Variants in CRACD observed in about 807,000 individuals in gnomAD.
The protein encoded by CRACD is capping protein inhibiting regulator of actin dynamics.
In CRACD, 56 loss-of-function variants were observed where a neutral mutation model predicts 106.8. That is an observed-to-expected ratio of 0.52 (90% CI 0.42 to 0.66). The LOEUF is 0.66. CRACD is among the 30% of genes least tolerant of loss of function. The pLI, the probability that CRACD is intolerant of heterozygous loss-of-function variation, is 0.00. For missense variants in CRACD, 1,730 were observed against 1,623.2 expected (o/e 1.07, Z -1.13); for synonymous variants, 754 against 670.8 (o/e 1.12, Z -1.92).
At chr4:56,213,583 CA>C in intron 2 of CRACD, among the ~76,000 whole-genome samples, 1 of 152,302 alleles carries the variant, frequency 6.6e-6, no homozygotes, top group Middle Eastern at 3.4e-3. Context: ...CCAGTACAGC[CA>C]CATGTTGGAA....
At chr4:56,128,463 T>C (rs1734725298) in intron 1 of CRACD, among the ~76,000 whole-genome samples, 1 of 152,188 alleles carries the variant, frequency 6.6e-6, no homozygotes, top group South Asian at 2.1e-4. Flanking sequence ...AGTTAATTTG[T>C]GGCTGGGCAG....
intron 2 of CRACD, among the ~76,000 whole-genome samples, chr4:56,189,506 T>C (rs1327896424): frequency 6.7e-6 from 1 of 150,310 alleles, no homozygotes; most frequent in Non-Finnish European, 1.5e-5. Flanking sequence ...CATTAACTCG[T>C]CATTTAGCAT....
chr4:56,074,238 T>C (rs1440349774), intron 1 of CRACD, among the ~76,000 whole-genome samples: 1 of 152,234 alleles, frequency 6.6e-6, no homozygotes, highest in African/African-American at 2.4e-5. Flanking sequence ...CAATGGTAGC[T>C]TGATGACAAT....
chr4:56,130,092 G>A (rs1179913082), intron 1 of CRACD, among the ~76,000 whole-genome samples: 1 of 152,068 alleles, frequency 6.6e-6, no homozygotes, highest in African/African-American at 2.4e-5. Flanking sequence ...GCAACATGGC[G>A]AGACCCCGTC....
At chr4:56,183,516 C>T (rs1041668230) in intron 2 of CRACD, among the ~76,000 whole-genome samples, 2 of 152,176 alleles carry the variant, frequency 1.3e-5, no homozygotes, top group Non-Finnish European at 2.9e-5. Flanking sequence ...TGCACAGGCA[C>T]GTGGTGTAGA....
chr4:56,176,915 T>C (rs1238865100), intron 1 of CRACD, among the ~76,000 whole-genome samples: 1 of 152,264 alleles, frequency 6.6e-6, no homozygotes, highest in Non-Finnish European at 1.5e-5. Flanking sequence ...GTTAATTTTG[T>C]ATTCTGCAAC....
At chr4:56,238,414 A>G (rs779716275) in intron 2 of CRACD, among the ~76,000 whole-genome samples, 2 of 152,214 alleles carry the variant, frequency 1.3e-5, no homozygotes, top group African/African-American at 4.8e-5. Context: ...TTGTGTCCCA[A>G]TAGAGCTGCA....
intron 1 of CRACD, among the ~76,000 whole-genome samples, chr4:56,167,247 A>G (rs1359668388): frequency 2.0e-5 from 3 of 152,246 alleles, no homozygotes; most frequent in Non-Finnish European, 2.9e-5. Flanking sequence ...ATTAAAAAGC[A>G]CGTGACAGAT....
chr4:56,298,189 A>C (rs1410991490), intron 3 of CRACD, 25 bp from the exon 4 acceptor site: 1 of 1,600,810 alleles, frequency 6.2e-7, no homozygotes, highest in Admixed American at 1.7e-5. Context: ...TCCTAATAAA[A>C]TGAAGCACAT....
intron 3 of CRACD, among the ~76,000 whole-genome samples, chr4:56,281,899 T>C (rs997152448): frequency 2.6e-5 from 4 of 152,204 alleles, no homozygotes; most frequent in Admixed American, 2.0e-4. Context: ...GATTCCAAAC[T>C]TTCCTCCTCT....
chr4:56,226,842 C>T (rs1363724272), intron 2 of CRACD, among the ~76,000 whole-genome samples: 1 of 146,142 alleles, frequency 6.8e-6, no homozygotes, highest in East Asian at 3.0e-4. Flanking sequence ...ACCTCTCTCT[C>T]TCTGTGTGTG....
intron 2 of CRACD, among the ~76,000 whole-genome samples, chr4:56,237,057 T>C (rs545987331): frequency 1.4e-4 from 21 of 152,206 alleles, no homozygotes; most frequent in Admixed American, 1.2e-3. Context: ...GCTATAGAAA[T>C]AAAAGCATCA....
chr4:56,056,410 G>C (rs1307146790), intron 1 of CRACD, among the ~76,000 whole-genome samples: 1 of 152,158 alleles, frequency 6.6e-6, no homozygotes, highest in Admixed American at 6.5e-5. Context: ...ATCTAGGCCT[G>C]TGCTGCCCTA....
intron 3 of CRACD, chr4:56,288,346 A>AGCT: frequency 3.4e-6 from 1 of 295,720 alleles, no homozygotes; most frequent in Non-Finnish European, 6.7e-6. Flanking sequence ...TCACCCAGAT[A>AGCT]GTGACGAAAG....
intron 5 of CRACD, 135 bp from the exon 6 acceptor site, chr4:56,310,531 C>G (rs78882343): frequency 1.5e-6 from 1 of 655,980 alleles, no homozygotes; most frequent in South Asian, 1.8e-5. Context: ...ACTGGGACAC[C>G]TGCTGGCTCT....
chr4:56,119,072 A>G (rs539212735), intron 1 of CRACD, among the ~76,000 whole-genome samples: 6 of 152,316 alleles, frequency 3.9e-5, no homozygotes, highest in South Asian at 2.1e-4. Flanking sequence ...CGTCATCAAC[A>G]TAGTAGCTAG....
At chr4:56,163,455 A>G (rs1736029123) in intron 1 of CRACD, among the ~76,000 whole-genome samples, 1 of 152,192 alleles carries the variant, frequency 6.6e-6, no homozygotes, top group Non-Finnish European at 1.5e-5. Flanking sequence ...CTCAAAGGAA[A>G]TGAGTAAATA....
chr4:56,122,585 G>C (rs1734527109), intron 1 of CRACD, among the ~76,000 whole-genome samples: 4 of 152,094 alleles, frequency 2.6e-5, no homozygotes, highest in Admixed American at 2.0e-4. Flanking sequence ...TTACTAGGTG[G>C]ATCCTGACTT....
chr4:56,197,443 T>G (rs1011045578), intron 2 of CRACD, among the ~76,000 whole-genome samples: 3 of 152,152 alleles, frequency 2.0e-5, no homozygotes, highest in Non-Finnish European at 4.4e-5. Flanking sequence ...GAAATCAAAG[T>G]TAGGAACAGG....
Sources: gnomAD v4.1 joint callset for allele counts (sites outside exome capture counted in the v4.1 genomes callset) on GRCh38, gnomAD v4.1.1 for gene constraint, MANE v1.5 for transcripts, NCBI Gene and HGNC (gene_info 2026-07-23, HGNC 2026-07-21) for gene names.